DNAJC21: variants seen among roughly 807,000 people sequenced by gnomAD.
DNAJC21 encodes DnaJ heat shock protein family (Hsp40) member C21, also known as dnaJ homolog subfamily C member 21.
DNAJC21 carries 63 observed loss-of-function variants against 72.4 expected under a neutral mutation model. The ratio of observed to expected loss-of-function variants is 0.87; its 90% CI spans 0.71 to 1.07. DNAJC21 has a LOEUF of 1.07. DNAJC21 is among the 50% of genes least tolerant of loss of function. DNAJC21 has a pLI of 0.00. For missense variants in DNAJC21, 634 were observed against 644.8 expected (o/e 0.98, Z 0.18); for synonymous variants, 203 against 216.7 (o/e 0.94, Z 0.56).
chr5:34,940,644 T>C (rs1764955889), intron 6 of DNAJC21, among the ~76,000 whole-genome samples: 2 of 152,234 alleles, frequency 1.3e-5, no homozygotes, highest in South Asian at 4.1e-4. Context: ...ATGTAATATG[T>C]TAACTTATGG....
At chr5:34,939,035 CT>C (rs750461901) in intron 6 of DNAJC21, 26 bp downstream of exon 6, 4 of 1,477,272 alleles carry the variant, frequency 2.7e-6, no homozygotes, top group Non-Finnish European at 3.6e-6. Context: ...TTTTATTTAT[CT>C]TTTTTGTTTT....
chr5:34,949,608 T>C, intron 9 of DNAJC21: 1 of 1,595,676 alleles, frequency 6.3e-7, no homozygotes, highest in Non-Finnish European at 8.6e-7. Flanking sequence ...GAAAAAAGTG[T>C]GTGTTGGGAG....
chr5:34,929,764 G>GCCCGGGCCCCGACCCCGT lies in DNAJC21; in HGVS notation c.-45_-28dup, dbSNP rs1401119489. ...CGCCGCCGCCGCCGCTTCGGCCCGG[G>GCCCGGGCCCCGACCCCGT]CCCGGGCCCCGACCCCGTCCCGGGC... is the stretch of plus-strand genomic sequence containing the variant. On this transcript the variant is annotated 5_prime_UTR_variant, in exon 1 of 12. Coordinates refer to ENST00000648817, the MANE Select transcript of DNAJC21 (RefSeq NM_001012339.3). The GCCCGGGCCCCGACCCCGT allele has an allele frequency of 1.4e-3, 1,410 of 974,958 alleles. 13 individuals carry two copies. The African/African-American group carries it at 0.024, about 17-fold the overall frequency. The allele number at this position is 974,958 out of a possible 1,614,324, so 60.4% of individuals were successfully genotyped here.
chr5:34,941,265 A>G (rs1364937502), intron 7 of DNAJC21, 82 bp downstream of exon 7: 1 of 1,255,538 alleles, frequency 8.0e-7, no homozygotes, highest in Admixed American at 1.9e-5. Context: ...TGGCACAGTC[A>G]TGACTCACCA....
At chr5:34,949,443 A>G in intron 9 of DNAJC21, 1 of 1,516,244 alleles carries the variant, frequency 6.6e-7, no homozygotes, top group Non-Finnish European at 8.9e-7. Flanking sequence ...ATACAGGAAA[A>G]GGAGTAATTG....
At chr5:34,939,131 G>C in intron 6 of DNAJC21, 122 bp downstream of exon 6, 2 of 899,864 alleles carry the variant, frequency 2.2e-6, no homozygotes, top group Non-Finnish European at 3.3e-6. Flanking sequence ...TGTTGTATGG[G>C]CCAAAGGTAG....
At chr5:34,938,736 T>C in intron 5 of DNAJC21, 122 bp from the exon 6 acceptor site, 1 of 1,094,858 alleles carries the variant, frequency 9.1e-7, no homozygotes, top group Non-Finnish European at 1.2e-6. Context: ...AGGTTTTAAG[T>C]TTGTAAGCGT....
chr5:34,936,036 T>G (rs1476610748), intron 3 of DNAJC21, 108 bp from the exon 4 acceptor site: 1 of 1,496,858 alleles, frequency 6.7e-7, no homozygotes, highest in Non-Finnish European at 9.0e-7. Context: ...GACTGAACTT[T>G]GTCCCAAAAT....
In DNAJC21 at chr5:34,933,926, C is replaced by G. The variant is rs375878413; in HGVS notation, c.191+18C>G. 4 of 1,605,692 alleles carry G rather than the reference C, an allele frequency of 2.5e-6. No homozygotes were observed. The highest frequency in any genetic ancestry group is 3.4e-6 in the Non-Finnish European group (4 of 1,175,344). On this transcript the variant is annotated intron_variant, in intron 2 of 11. Coordinates refer to ENST00000648817, the MANE Select transcript of DNAJC21 (RefSeq NM_001012339.3). ...AGAGCATGGTGAGCATCACGCTGTC[C>G]TTCCCATCCTAGTTTATGATGTTGG... is the stretch of plus-strand genomic sequence containing the variant.
Position 34,954,985 on chromosome 5 carries a change from CAT to C in DNAJC21, c.*272_*273del, listed in dbSNP as rs1580544707. 3 of 240,934 alleles carry C rather than the reference CAT, an allele frequency of 1.2e-5. No homozygotes were observed. The highest frequency in any genetic ancestry group is 1.1e-4 in the Admixed American group (2 of 18,056). 14.9% of individuals were successfully genotyped at this position (240,934 alleles called of 1,614,324 possible). On this transcript the variant is annotated 3_prime_UTR_variant, in exon 12 of 12. Transcript: ENST00000648817. ...TGTGTATTCTTGATGTTTATTGGCT[CAT>C]GTGGACAGAAATGTACAGGGAGAAT...
chr5:34,929,832 T>G lies in DNAJC21; in HGVS notation c.13T>G (p.Tyr5Asp). The change falls in exon 1 of 12, where the codon TAT becomes GAT. Residue 5 changes from tyrosine (Y) to aspartate (D), a missense_variant. Tyr to Asp is a radical substitution (Grantham distance 160, BLOSUM62 -3). Coordinates refer to ENST00000648817, the MANE Select transcript of DNAJC21 (RefSeq NM_001012339.3). MKCH[Y>D]EALGVRRDAS... ...GCCCGGTCGGGCGATGAAGTGTCACTATGAGGCGCTGGGGGTGCGGCGCGA... is the reference window on the plus strand; with the variant it reads ...GCCCGGTCGGGCGATGAAGTGTCACGATGAGGCGCTGGGGGTGCGGCGCGA... The G allele has an allele frequency of 6.5e-7, 1 of 1,531,306 alleles. No homozygotes were observed. The highest frequency in any genetic ancestry group is 1.2e-5 in the South Asian group (1 of 86,290). 94.9% of individuals were successfully genotyped at this position (1,531,306 alleles called of 1,614,324 possible).
At chr5:34,935,619 A>G in intron 2 of DNAJC21, 91 bp from the exon 3 acceptor site, 1 of 1,547,898 alleles carries the variant, frequency 6.5e-7, no homozygotes, top group Non-Finnish European at 8.8e-7. Context: ...ACAACCAAAA[A>G]TGTACAATAA....
intron 6 of DNAJC21, 92 bp from the exon 7 acceptor site, chr5:34,941,004 G>A (rs1174788810): frequency 9.3e-7 from 1 of 1,077,072 alleles, no homozygotes; most frequent in Non-Finnish European, 1.4e-6. Context: ...TTTAGGTAAA[G>A]AAATAAAAAA....
rs745652137 is a variant in DNAJC21, at chr5:34,954,746, C to T, written c.*32C>T. ...TGCCTGTGCTTTTGTTTGACTGTCT[C>T]TAGATTTTGAAACCAAAAAACTGAA... is the stretch of plus-strand genomic sequence containing the variant. On this transcript the variant is annotated 3_prime_UTR_variant, in exon 12 of 12. Coordinates refer to ENST00000648817, the MANE Select transcript of DNAJC21 (RefSeq NM_001012339.3). 4 of 1,520,858 alleles carry T rather than the reference C, an allele frequency of 2.6e-6. No individual in the cohort carries two copies. Among genetic ancestry groups the T allele is most frequent in the South Asian group, 2.6e-5 (2 of 76,392 alleles). The allele number at this position is 1,520,858 out of a possible 1,614,324, so 94.2% of individuals were successfully genotyped here.
In DNAJC21 at chr5:34,945,879, G is replaced by A. The variant is rs1225301814; in HGVS notation, c.1185+76G>A. 8 of 971,456 alleles carry A rather than the reference G, an allele frequency of 8.2e-6. No individual in the cohort carries two copies. In the African/African-American group the frequency reaches 1.0e-4, roughly 12 times the overall value. 60.2% of individuals were successfully genotyped at this position (971,456 alleles called of 1,614,324 possible). ...TGCTCTTATTTATTCAGTGTAGTCT[G>A]TGTTAAGGAGAGAAACTTATACTCC... is the stretch of plus-strand genomic sequence containing the variant. On this transcript the variant is annotated intron_variant, in intron 9 of 11. Transcript: ENST00000648817.
chr5:34,952,032 G>A (rs1478809224), intron 10 of DNAJC21: 2 of 985,242 alleles, frequency 2.0e-6, no homozygotes, highest in Non-Finnish European at 2.4e-6. Context: ...GCTGTCCCCT[G>A]GATCCAGGGC....
intron 10 of DNAJC21, chr5:34,952,047 A>G: frequency 4.1e-6 from 4 of 985,150 alleles, no homozygotes; most frequent in Non-Finnish European, 4.8e-6. Flanking sequence ...CAGGGCCTTT[A>G]TGCTGGCAGC....
chr5:34,929,806 CG>C lies in DNAJC21; in HGVS notation c.-13del. On this transcript the variant is annotated 5_prime_UTR_variant, in exon 1 of 12. Coordinates refer to ENST00000648817, the MANE Select transcript of DNAJC21 (RefSeq NM_001012339.3). ...GTCCCGGGCCCCAGCGCCGGCCGCC[CG>C]CCCGGTCGGGCGATGAAGTGTCACT... 2.1e-6 allele frequency: 3 copies of C among 1,415,872 alleles called. No individual in the cohort carries two copies. The highest frequency in any genetic ancestry group is 1.4e-5 in the South Asian group (1 of 70,634). 87.7% of individuals were successfully genotyped at this position (1,415,872 alleles called of 1,614,324 possible). A position where few individuals can be genotyped will look rare whatever the true frequency, so the allele number is the denominator to read the frequency against.
Position 34,937,557 on chromosome 5 carries a change from G to A in DNAJC21, c.670G>A (p.Val224Met), listed in dbSNP as rs769313436. The change falls in exon 5 of 12, where the codon GTG becomes ATG. Residue 224 changes from valine (V) to methionine (M), a missense_variant. Physicochemically the swap from Val to Met is conservative, Grantham distance 21 (BLOSUM62 1). Coordinates refer to ENST00000648817, the MANE Select transcript of DNAJC21 (RefSeq NM_001012339.3). Reference sequence around the variant, plus strand: ...AAGAGTGCAGGCGCATCGAAAACTTGTGGAAGAACAGAATGCAGAGAAGGC... The same window carrying A: ...AAGAGTGCAGGCGCATCGAAAACTTATGGAAGAACAGAATGCAGAGAAGGC... Reference protein sequence around the residue: ...DKRVQAHRKLVEEQNAEKARK... With the variant: ...DKRVQAHRKLMEEQNAEKARK... 6.2e-7 allele frequency: 1 copy of A among 1,613,884 alleles called. No homozygotes were observed. The highest frequency in any genetic ancestry group is 8.5e-7 in the Non-Finnish European group (1 of 1,179,898).
Sources: gnomAD v4.1 joint callset for allele counts (sites outside exome capture counted in the v4.1 genomes callset) on GRCh38, gnomAD v4.1.1 for gene constraint, MANE v1.5 for transcripts, NCBI Gene and HGNC (gene_info 2026-07-23, HGNC 2026-07-21) for gene names.